The following CHRM3 variants were observed in gnomAD, a reference collection of about 807,000 sequenced individuals.
The protein encoded by CHRM3 is cholinergic receptor muscarinic 3.
A neutral mutation model predicts 41.8 loss-of-function variants in CHRM3; 11 were observed. The ratio of observed to expected loss-of-function variants is 0.26; its 90% CI spans 0.17 to 0.44. The LOEUF (loss-of-function observed/expected upper bound fraction) is 0.44, where lower values mean the gene tolerates loss of function less well. Ranked by LOEUF, CHRM3 falls within the 20% of genes least tolerant of loss-of-function variation. The pLI is 1.00. For missense variants in CHRM3, 571 were observed against 745.4 expected (o/e 0.77, Z 2.72); for synonymous variants, 297 against 301.4 (o/e 0.99, Z 0.15).
intron 1 of CHRM3, among the ~76,000 whole-genome samples, chr1:239,431,927 C>G (rs1186656358): frequency 6.6e-6 from 1 of 152,132 alleles, no homozygotes; most frequent in East Asian, 1.9e-4. Flanking sequence ...ATAAGTTGTA[C>G]AACCCCAGTA....
intron 3 of CHRM3, among the ~76,000 whole-genome samples, chr1:239,565,092 G>A (rs750990846): frequency 2.6e-5 from 4 of 152,170 alleles, no homozygotes; most frequent in African/African-American, 7.2e-5. Flanking sequence ...CCCCTATGGG[G>A]CGGGGTCAGA....
At chr1:239,441,391 A>G (rs576125315) in intron 1 of CHRM3, among the ~76,000 whole-genome samples, 2 of 152,344 alleles carry the variant, frequency 1.3e-5, no homozygotes, top group South Asian at 2.1e-4. Context: ...AGATGTTTTA[A>G]TATCTTTTGT....
At chr1:239,710,717 C>T (rs1572058712) in intron 5 of CHRM3, among the ~76,000 whole-genome samples, 1 of 151,734 alleles carries the variant, frequency 6.6e-6, no homozygotes. Context: ...TTTCTTATAT[C>T]TCAATTCTTG....
At chr1:239,731,324 A>T (rs901014047) in intron 5 of CHRM3, among the ~76,000 whole-genome samples, 10 of 151,918 alleles carry the variant, frequency 6.6e-5, no homozygotes, top group African/African-American at 2.4e-4. Context: ...GTAGAGGAGG[A>T]GAACATAGCC....
intron 1 of CHRM3, among the ~76,000 whole-genome samples, chr1:239,484,786 A>T (rs1237413808): frequency 6.6e-6 from 1 of 152,156 alleles, no homozygotes; most frequent in Non-Finnish European, 1.5e-5. Context: ...ACACTGACAT[A>T]TGTCAGAGCC....
intron 1 of CHRM3, among the ~76,000 whole-genome samples, chr1:239,431,952 G>T (rs895590967): frequency 6.6e-6 from 1 of 152,066 alleles, no homozygotes; most frequent in Non-Finnish European, 1.5e-5. Flanking sequence ...CCTGCTGTGA[G>T]TATAGAGTAG....
chr1:239,393,891 A>G (rs757629390), intron 1 of CHRM3, among the ~76,000 whole-genome samples: 2 of 152,216 alleles, frequency 1.3e-5, no homozygotes, highest in African/African-American at 2.4e-5. Context: ...TTTGAGTAGA[A>G]TGAGTAAATG....
At chr1:239,587,405 T>G (rs1282695359) in intron 3 of CHRM3, among the ~76,000 whole-genome samples, 1 of 152,198 alleles carries the variant, frequency 6.6e-6, no homozygotes, top group Non-Finnish European at 1.5e-5. Context: ...AAGAGAGATA[T>G]AAGCTAGATA....
At chr1:239,816,914 G>A (rs1020870285) in intron 5 of CHRM3, among the ~76,000 whole-genome samples, 1 of 151,934 alleles carries the variant, frequency 6.6e-6, no homozygotes, top group Non-Finnish European at 1.5e-5. Flanking sequence ...TATATTTTTA[G>A]TAGAGACAGG....
intron 1 of CHRM3, among the ~76,000 whole-genome samples, chr1:239,408,679 A>G (rs1660833733): frequency 6.6e-6 from 1 of 152,040 alleles, no homozygotes; most frequent in Non-Finnish European, 1.5e-5. Context: ...TGGGGTCTCA[A>G]TCTGCTGCCC....
chr1:239,905,594 TACTCAGGAGGCTGAAGCATGAGAATC>T (rs1679906847), intron 6 of CHRM3, among the ~76,000 whole-genome samples: 1 of 152,088 alleles, frequency 6.6e-6, no homozygotes, highest in South Asian at 2.1e-4. Flanking sequence ...TAATCACAGC[TACTCAGGAGGCTGAAGCATGAGAATC>T]ACTTGAACCT....
At chr1:239,543,795 A>G (rs1473458305) in intron 2 of CHRM3, among the ~76,000 whole-genome samples, 16 of 152,102 alleles carry the variant, frequency 1.1e-4, no homozygotes, top group Admixed American at 1.0e-3. Flanking sequence ...GGTGCGAGCC[A>G]CCGCGCCCTG....
intron 3 of CHRM3, among the ~76,000 whole-genome samples, chr1:239,577,468 A>G (rs960786105): frequency 5.9e-5 from 9 of 152,200 alleles, no homozygotes; most frequent in South Asian, 2.1e-4. Context: ...GTAAATATAT[A>G]AAGTGTGGTC....
chr1:239,401,145 G>T (rs906542143), intron 1 of CHRM3, among the ~76,000 whole-genome samples: 2 of 152,144 alleles, frequency 1.3e-5, no homozygotes, highest in East Asian at 3.9e-4. Flanking sequence ...GTTAAGCTAC[G>T]GATGAAATAC....
chr1:239,649,433 A>T (rs1221038346), intron 4 of CHRM3, among the ~76,000 whole-genome samples: 1 of 152,136 alleles, frequency 6.6e-6, no homozygotes, highest in East Asian at 1.9e-4. Flanking sequence ...GACCTAAGGC[A>T]ATAGAAAAGA....
intron 6 of CHRM3, among the ~76,000 whole-genome samples, chr1:239,872,590 G>A (rs1303803297): frequency 1.3e-5 from 2 of 152,130 alleles, no homozygotes; most frequent in Non-Finnish European, 2.9e-5. Context: ...CTTCCCTGAG[G>A]CAGGCTTCCT....
chr1:239,719,161 G>A lies in CHRM3; in HGVS notation c.-147+40873G>A, dbSNP rs570061354. On this transcript the variant is annotated intron_variant, in intron 5 of 6. Coordinates refer to ENST00000676153, the MANE Select transcript of CHRM3 (RefSeq NM_001375978.1). ...TCTGAGTGTCCGGAAATGATGAAAT[G>A]GGTGAGCTCCAAGAATGCAGGATAT... The A allele has an allele frequency of 2.6e-4, 40 of 152,066 alleles. 1 individual carries two copies. The highest frequency in any genetic ancestry group is 2.4e-3 in the Admixed American group (36 of 15,236). 9.4% of individuals were successfully genotyped at this position (152,066 alleles called of 1,614,324 possible). A position where few individuals can be genotyped will look rare whatever the true frequency, so the allele number is the denominator to read the frequency against.
chr1:239,401,789 G>A (rs748627234), intron 1 of CHRM3, among the ~76,000 whole-genome samples: 6 of 152,010 alleles, frequency 3.9e-5, no homozygotes, highest in Admixed American at 1.3e-4. Context: ...TACCATGCCC[G>A]GCAGACTTTG....
chr1:239,742,715 A>G (rs1047586018), intron 5 of CHRM3, among the ~76,000 whole-genome samples: 3 of 152,180 alleles, frequency 2.0e-5, no homozygotes, highest in African/African-American at 7.2e-5. Flanking sequence ...GTTCTGTGGA[A>G]TTCATTTAAT....
Sources: gnomAD v4.1 joint callset for allele counts (sites outside exome capture counted in the v4.1 genomes callset) on GRCh38, gnomAD v4.1.1 for gene constraint, MANE v1.5 for transcripts, NCBI Gene and HGNC (gene_info 2026-07-23, HGNC 2026-07-21) for gene names.